Variants in KLHL5 observed in about 807,000 individuals in gnomAD.
KLHL5 encodes the protein kelch like family member 5.
A neutral mutation model predicts 77.7 loss-of-function variants in KLHL5; 48 were observed. The ratio of observed to expected loss-of-function variants is 0.62; its 90% CI spans 0.49 to 0.79. The LOEUF (loss-of-function observed/expected upper bound fraction) is 0.79, where lower values mean the gene tolerates loss of function less well. Ranked by LOEUF, KLHL5 falls within the 30% of genes least tolerant of loss-of-function variation. The pLI is 0.00. For synonymous variants in KLHL5, 260 were observed against 297.0 expected, an observed-to-expected ratio of 0.88 and a Z score of 1.28; for missense variants, 723 against 859.7, an observed-to-expected ratio of 0.84 and a Z score of 1.99.
chr4:39,056,874 C>T (rs1041041233), intron 1 of KLHL5, among the ~76,000 whole-genome samples: 1 of 152,206 alleles, frequency 6.6e-6, no homozygotes, highest in Non-Finnish European at 1.5e-5. Context: ...CACAGCCATC[C>T]TATAAGGTCT....
At chr4:39,136,790 T>A in the KLHL5 span, among the ~76,000 whole-genome samples, 1 of 152,102 alleles carries the variant, frequency 6.6e-6, no homozygotes, top group Non-Finnish European at 1.5e-5. Context: ...CAGCCTGCAG[T>A]GGCTAGTTAG....
the KLHL5 span, among the ~76,000 whole-genome samples, chr4:39,141,663 TAATTGTGCCCAGCA>T: frequency 1.3e-5 from 2 of 151,948 alleles, no homozygotes; most frequent in East Asian, 1.9e-4. Flanking sequence ...CTCACACTTA[TAATTGTGCCCAGCA>T]AATTGTGCCC....
chr4:39,048,748 A>G (rs1716403533), intron 1 of KLHL5, among the ~76,000 whole-genome samples: 1 of 148,314 alleles, frequency 6.7e-6, no homozygotes, highest in Non-Finnish European at 1.5e-5. Context: ...GTTTCAAGTG[A>G]TTCTCCTGCC....
At chr4:39,115,785 A>C in intron 10 of KLHL5, 1 of 1,044,138 alleles carries the variant, frequency 9.6e-7, no homozygotes, top group Non-Finnish European at 1.1e-6. Flanking sequence ...GGCAACCCTA[A>C]ATTACACTGA....
chr4:39,089,974 G>A (rs1347057240), intron 5 of KLHL5, among the ~76,000 whole-genome samples: 7 of 152,258 alleles, frequency 4.6e-5, no homozygotes, highest in African/African-American at 1.7e-4. Flanking sequence ...CTGTGCTGCA[G>A]TATTGTGACA....
In KLHL5 at chr4:39,125,680, G is replaced by C. The variant is rs545632601; in HGVS notation, c.*4614G>C. Among the ~76,000 whole-genome samples the C allele has an allele frequency of 6.6e-6, 1 of 152,302 alleles. No individual in the cohort carries two copies. The highest frequency in any genetic ancestry group is 2.1e-4 in the South Asian group (1 of 4,830). Reference sequence around the variant, plus strand: ...GGAGACAGAAAGCAGATAAATGGTTGTAAGAAGCTGAGAGAAAGGAGTGGG... The same window carrying C: ...GGAGACAGAAAGCAGATAAATGGTTCTAAGAAGCTGAGAGAAAGGAGTGGG... On this transcript the variant is annotated 3_prime_UTR_variant, in exon 11 of 11. Coordinates refer to ENST00000504108, the MANE Select transcript of KLHL5 (RefSeq NM_015990.5).
Position 39,115,139 on chromosome 4 carries a change from G to A in KLHL5, c.1902-20G>A, listed in dbSNP as rs760183329. The A allele has an allele frequency of 1.3e-6, 2 of 1,589,804 alleles. No homozygotes were observed. The highest frequency in any genetic ancestry group is 1.7e-6 in the Non-Finnish European group (2 of 1,173,156). On this transcript the variant is annotated intron_variant, in intron 9 of 10. Coordinates refer to ENST00000504108, the MANE Select transcript of KLHL5 (RefSeq NM_015990.5). ...TATTTTAAGAATAATGTCAGCTCCGGTTCTAAAATTTTCTTACAGATATGA... is the reference window on the plus strand; with the variant it reads ...TATTTTAAGAATAATGTCAGCTCCGATTCTAAAATTTTCTTACAGATATGA...
rs564805294 is a variant in KLHL5 at position 39,126,088 on chromosome 4, A to G, written c.*5022A>G. 6.6e-6 allele frequency among the ~76,000 whole-genome samples: 1 copy of G among 152,332 alleles called. No homozygotes were observed. The highest frequency in any genetic ancestry group is 2.1e-4 in the South Asian group (1 of 4,830). On this transcript the variant is annotated 3_prime_UTR_variant, in exon 11 of 11. Coordinates refer to ENST00000504108, the MANE Select transcript of KLHL5 (RefSeq NM_015990.5). ...GGGAGAGTTAACGGGGAACTTCCCCACCGTCCGGTACATGGCAGGCATTCC... is the reference window on the plus strand; with the variant it reads ...GGGAGAGTTAACGGGGAACTTCCCCGCCGTCCGGTACATGGCAGGCATTCC...
rs973814599 is a variant in KLHL5 at position 39,124,992 on chromosome 4, T to A, written c.*3926T>A. Among the ~76,000 whole-genome samples the A allele has an allele frequency of 2.0e-5, 3 of 151,934 alleles. No individual in the cohort carries two copies. Among genetic ancestry groups the A allele is most frequent in the Non-Finnish European group, 2.9e-5 (2 of 67,976 alleles). ...CGACAACAAAAAGACAAACCAATTT[T>A]AAAATGGGCAAAGGACTTAAATAGA... On this transcript the variant is annotated 3_prime_UTR_variant, in exon 11 of 11. Coordinates refer to ENST00000504108, the MANE Select transcript of KLHL5 (RefSeq NM_015990.5).
Position 39,121,224 on chromosome 4 carries a change from C to G in KLHL5, c.*158C>G. The stretch of plus-strand genomic sequence containing the variant: ...GAAGATAGTAAAACAAGGGAGGAAG[C>G]AGTGGATGGACCAGGATTAATTCCT... On this transcript the variant is annotated 3_prime_UTR_variant, in exon 11 of 11. Transcript: ENST00000504108. The G allele has an allele frequency of 1.6e-6, 1 of 636,534 alleles. No individual in the cohort carries two copies. 39.4% of individuals were successfully genotyped at this position (636,534 alleles called of 1,614,324 possible). A position where few individuals can be genotyped will look rare whatever the true frequency, so the allele number is the denominator to read the frequency against.
chr4:39,124,802 C>CCAAAA lies in KLHL5; in HGVS notation c.*3736_*3737insCAAAA, dbSNP rs1553896523. Among the ~76,000 whole-genome samples the CCAAAA allele has an allele frequency of 2.3e-5, 1 of 44,124 alleles. No individual in the cohort carries two copies. Among genetic ancestry groups the CCAAAA allele is most frequent in the Non-Finnish European group, 4.4e-5 (1 of 22,652 alleles). The allele number at this position is 44,124 out of a possible 152,430, so 28.9% of individuals were successfully genotyped here. On this transcript the variant is annotated 3_prime_UTR_variant, in exon 11 of 11. Transcript: ENST00000504108. ...GCACCAAAAGCACAAGCAACAACAG[C>CCAAAA]AAAAAAAAAAAAAAAAAAAAAAAAT...
upstream of KLHL5, among the ~76,000 whole-genome samples, chr4:39,061,538 C>T (rs1332420203): frequency 6.6e-6 from 1 of 152,154 alleles, no homozygotes; most frequent in African/African-American, 2.4e-5. Flanking sequence ...TAGTAGATTG[C>T]ATTGTTCACA....
intron 1 of KLHL5, among the ~76,000 whole-genome samples, chr4:39,047,021 A>G (rs1422911544): frequency 6.6e-6 from 1 of 151,902 alleles, no homozygotes; most frequent in Non-Finnish European, 1.5e-5. Context: ...GAGATTTACT[A>G]TACTAATGTT....
chr4:39,065,355 A>ATT (rs35238432), intron 1 of KLHL5, among the ~76,000 whole-genome samples: 12 of 126,582 alleles, frequency 9.5e-5, no homozygotes, highest in South Asian at 2.6e-4. Context: ...ACATTCATCA[A>ATT]TTTTTTTTTT....
chr4:39,069,596 T>C (rs551782771), intron 1 of KLHL5, among the ~76,000 whole-genome samples: 2 of 148,458 alleles, frequency 1.3e-5, no homozygotes, highest in East Asian at 3.9e-4. Flanking sequence ...AAAATAGAGA[T>C]AAGTAAAAAT....
intron 4 of KLHL5, among the ~76,000 whole-genome samples, chr4:39,086,013 T>A (rs1255629951): frequency 6.6e-6 from 1 of 152,146 alleles, no homozygotes; most frequent in Non-Finnish European, 1.5e-5. Flanking sequence ...AAGACATCTG[T>A]GGTCTAGAAT....
intron 1 of KLHL5, among the ~76,000 whole-genome samples, chr4:39,051,787 A>G (rs2109249763): frequency 6.6e-6 from 1 of 152,362 alleles, no homozygotes; most frequent in Admixed American, 6.5e-5. Flanking sequence ...CTGAGTTTCC[A>G]GGGTTCTGTA....
At chr4:39,107,863 A>G (rs1722167198) in intron 8 of KLHL5, 132 bp downstream of exon 8, 2 of 596,092 alleles carry the variant, frequency 3.4e-6, no homozygotes, top group African/African-American at 3.7e-5. Flanking sequence ...GTCTCTTTCT[A>G]TAATAGTTGT....
In KLHL5 at chr4:39,082,009, A is replaced by G. The variant is rs938645833; in HGVS notation, c.750A>G (p.Thr250=). The G allele has an allele frequency of 6.2e-7, 1 of 1,611,978 alleles. No homozygotes were observed. The highest frequency in any genetic ancestry group is 1.3e-5 in the African/African-American group (1 of 74,798). Residue 250 remains threonine (T), a synonymous_variant, in exon 4 of 11, where the codon ACA becomes ACG. Transcript: ENST00000504108. ...ATAATATTGAGTGCCTGTTATCTAC[A>G]GCTTGCCTTCTTCAGCTTTCACAGG... is the stretch of plus-strand genomic sequence containing the variant. ...KEDNIECLLS[T]ACLLQLSQVV...
Sources: allele counts gnomAD v4.1 joint callset (sites outside exome capture counted in the v4.1 genomes callset), GRCh38; gene constraint gnomAD v4.1.1; transcripts MANE v1.5; gene names NCBI Gene and HGNC (gene_info 2026-07-23, HGNC 2026-07-21).